The following GOLGA3 variants were observed in gnomAD, a reference collection of about 807,000 sequenced individuals.
GOLGA3 encodes the protein golgin subfamily A member 3.
In GOLGA3, 75 loss-of-function variants were observed where a neutral mutation model predicts 169.4. The ratio of observed to expected loss-of-function variants is 0.44; its 90% CI spans 0.37 to 0.54. GOLGA3 has a LOEUF of 0.54. Among genes scored for constraint, GOLGA3 ranks in the 20% least tolerant of loss-of-function variants. GOLGA3 has a pLI of 0.00. For missense variants in GOLGA3, 1,899 were observed against 1,930.0 expected, an observed-to-expected ratio of 0.98 and a Z score of 0.30; for synonymous variants, 824 against 822.4, an observed-to-expected ratio of 1.00 and a Z score of -0.03.
At chr12:132,820,972 T>C (rs962479938) in intron 2 of GOLGA3, among the ~76,000 whole-genome samples, 31 of 151,252 alleles carry the variant, frequency 2.0e-4, no homozygotes, top group Admixed American at 5.3e-4. Flanking sequence ...TGGTGGCAGG[T>C]GCCTGTAGTC....
intron 4 of GOLGA3, among the ~76,000 whole-genome samples, chr12:132,812,868 T>C (rs1949784365): frequency 6.6e-6 from 1 of 152,260 alleles, no homozygotes; most frequent in African/African-American, 2.4e-5. Context: ...TGAGGCAAGA[T>C]GCTCCAACAG....
At chr12:132,799,127 T>C (rs1949012864) in intron 8 of GOLGA3, among the ~76,000 whole-genome samples, 1 of 152,134 alleles carries the variant, frequency 6.6e-6, no homozygotes, top group Admixed American at 6.5e-5. Flanking sequence ...GAGTGCACAG[T>C]GCGAGACGTG....
intron 8 of GOLGA3, among the ~76,000 whole-genome samples, chr12:132,799,590 T>C (rs2136506146): frequency 6.6e-6 from 1 of 152,258 alleles, no homozygotes; most frequent in Non-Finnish European, 1.5e-5. Flanking sequence ...CAGGGAGCTA[T>C]GATGGTAACA....
intron 2 of GOLGA3, among the ~76,000 whole-genome samples, chr12:132,821,098 TCAAAAA>T (rs1950188388): frequency 5.9e-5 from 1 of 16,834 alleles, no homozygotes; most frequent in African/African-American, 3.8e-4. Context: ...GGACACCGTC[TCAAAAA>T]AAAAAAAAAA....
At chr12:132,775,424 A>C in intron 21 of GOLGA3, 119 bp from the exon 22 acceptor site, 1 of 830,538 alleles carries the variant, frequency 1.2e-6, no homozygotes, top group Non-Finnish European at 1.8e-6. Flanking sequence ...CATCTAGATG[A>C]TGCCAGTCCA....
chr12:132,802,014 G>T, intron 7 of GOLGA3, 45 bp from the exon 8 acceptor site: 1 of 1,512,242 alleles, frequency 6.6e-7, no homozygotes, highest in Non-Finnish European at 9.0e-7. Flanking sequence ...GACGGCCAAC[G>T]GGGGAGTCCG....
chr12:132,786,574 G>T lies in GOLGA3; in HGVS notation c.2907-19C>A. On this transcript the variant is annotated intron_variant, in intron 14 of 23. Coordinates refer to ENST00000450791, the MANE Select transcript of GOLGA3 (RefSeq NM_001389683.1). ...GATGGCCCTGGGGTGTCATGAGGGA[G>T]ACACAGGAGGAAGCTGAATTATCCC... 2 of 1,610,362 alleles carry T rather than the reference G, an allele frequency of 1.2e-6. No individual in the cohort carries two copies. Among genetic ancestry groups the T allele is most frequent in the Non-Finnish European group, 1.7e-6 (2 of 1,177,216 alleles).
intron 13 of GOLGA3, among the ~76,000 whole-genome samples, chr12:132,787,244 A>G (rs990776512): frequency 2.0e-5 from 3 of 151,984 alleles, no homozygotes; most frequent in Admixed American, 2.0e-4. Context: ...GAGCCACTGC[A>G]CCCGGCCACA....
intron 2 of GOLGA3, among the ~76,000 whole-genome samples, chr12:132,818,952 A>T (rs971742360): frequency 6.6e-6 from 1 of 152,042 alleles, no homozygotes; most frequent in African/African-American, 2.4e-5. Context: ...CACAACACAA[A>T]CTAAAACATA....
chr12:132,819,106 G>C (rs993859487), intron 2 of GOLGA3, among the ~76,000 whole-genome samples: 10 of 150,942 alleles, frequency 6.6e-5, no homozygotes, highest in African/African-American at 2.5e-4. Flanking sequence ...AGGGTCCTCA[G>C]GGGGTTCTGG....
chr12:132,825,596 C>A (rs2136828676), intron 1 of GOLGA3: 1 of 632,552 alleles, frequency 1.6e-6, no homozygotes, highest in Non-Finnish European at 2.9e-6. Flanking sequence ...TAAAATACAG[C>A]AAAGTCTAAA....
chr12:132,807,732 A>G (rs1949480091), intron 5 of GOLGA3, among the ~76,000 whole-genome samples, 159 bp downstream of exon 5: 1 of 152,010 alleles, frequency 6.6e-6, no homozygotes, highest in African/African-American at 2.4e-5. Context: ...ATCTCAGGCC[A>G]GGCCCTCTGC....
chr12:132,823,407 T>G (rs1357513253), intron 1 of GOLGA3, among the ~76,000 whole-genome samples: 1 of 152,270 alleles, frequency 6.6e-6, no homozygotes, highest in Non-Finnish European at 1.5e-5. Flanking sequence ...ACCTACATTA[T>G]GTTCTGTGTT....
chr12:132,784,656 T>C (rs2045796134), intron 15 of GOLGA3, among the ~76,000 whole-genome samples: 1 of 151,720 alleles, frequency 6.6e-6, no homozygotes. Context: ...GCACCACACA[T>C]CACATACACA....
intron 10 of GOLGA3, 96 bp from the exon 11 acceptor site, chr12:132,796,316 C>T: frequency 7.1e-7 from 1 of 1,405,260 alleles, no homozygotes; most frequent in Non-Finnish European, 9.5e-7. Flanking sequence ...TTGATGGACA[C>T]TATGGAGGGT....
chr12:132,786,235 C>T (rs544821010), intron 15 of GOLGA3, 104 bp downstream of exon 15: 26 of 765,672 alleles, frequency 3.4e-5, no homozygotes, highest in South Asian at 2.6e-4. Flanking sequence ...ACCTCCCACG[C>T]GAGCTCGGCC....
At chr12:132,782,863 G>C (rs533934363) in intron 16 of GOLGA3, among the ~76,000 whole-genome samples, 110 of 143,920 alleles carry the variant, frequency 7.6e-4, no homozygotes, top group African/African-American at 2.6e-3. Context: ...GCAACACAGC[G>C]AGACTCTGTC....
chr12:132,783,832 T>C lies in GOLGA3; in HGVS notation c.3267+332A>G, dbSNP rs570608119. ...ACCTCATGATCCGCCCACCTCAGCC[T>C]CCCAAAGTGCTGGGATTACAGGCAT... is the stretch of plus-strand genomic sequence containing the variant. On this transcript the variant is annotated intron_variant, in intron 16 of 23. Transcript: ENST00000450791. The C allele has an allele frequency of 2.0e-4, 249 of 1,248,396 alleles. No homozygotes were observed. The East Asian group carries it at 6.7e-3, about 33-fold the overall frequency. The allele number at this position is 1,248,396 out of a possible 1,614,324, so 77.3% of individuals were successfully genotyped here. A position where few individuals can be genotyped will look rare whatever the true frequency, so the allele number is the denominator to read the frequency against.
At position 132,776,824 on chromosome 12, in the gene GOLGA3, T is replaced by C; in HGVS notation, c.3856-68A>G. ...GCTTTACTGCCCTGGAAAATGGCTCTAGCTGTGTTTTGGTTTATCTTTTAA... is the reference window on the plus strand; with the variant it reads ...GCTTTACTGCCCTGGAAAATGGCTCCAGCTGTGTTTTGGTTTATCTTTTAA... On this transcript the variant is annotated intron_variant, in intron 20 of 23. Transcript: ENST00000450791. The C allele has an allele frequency of 1.9e-6, 3 of 1,583,970 alleles. No individual in the cohort carries two copies. In the South Asian group the frequency reaches 3.5e-5, roughly 18 times the overall value.
Sources: allele counts gnomAD v4.1 joint callset (sites outside exome capture counted in the v4.1 genomes callset), GRCh38; gene constraint gnomAD v4.1.1; transcripts MANE v1.5; gene names NCBI Gene and HGNC (gene_info 2026-07-23, HGNC 2026-07-21).